INTS3: variants seen among roughly 807,000 people sequenced by gnomAD.
INTS3 encodes SOSS complex subunit A.
INTS3 carries 34 observed loss-of-function variants against 146.3 expected under a neutral mutation model. The observed-to-expected ratio is 0.23, with a 90% CI of 0.18 to 0.31. The LOEUF (loss-of-function observed/expected upper bound fraction) is 0.31. INTS3 is among the 10% of genes least tolerant of loss of function. The probability of loss-of-function intolerance (pLI) is 1.00; values close to 1 mark genes in which losing one functional copy is unlikely to be tolerated. For synonymous variants in INTS3, 475 were observed against 494.9 expected (o/e 0.96, Z 0.53); for missense variants, 757 against 1,304.2 (o/e 0.58, Z 6.46).
intron 20 of INTS3, chr1:153,766,925 G>T (rs1672612023): frequency 1.3e-5 from 2 of 152,062 alleles, no homozygotes; most frequent in African/African-American, 4.8e-5. Context: ...GGCCAGGCTG[G>T]TCTTGAACTT....
At position 153,733,375 on chromosome 1, in the gene INTS3, GC is replaced by G. The variant is rs1671162002; in HGVS notation, c.150+4592del. 2.0e-5 allele frequency among the ~76,000 whole-genome samples: 3 copies of G among 151,176 alleles called. No homozygotes were observed. In the South Asian group the frequency reaches 6.3e-4, roughly 32 times the overall value. On this transcript the variant is annotated intron_variant, in intron 1 of 29. Coordinates refer to ENST00000318967, the MANE Select transcript of INTS3 (RefSeq NM_023015.5). The stretch of plus-strand genomic sequence containing the variant: ...CTGCAGGTGTGCACCACCACGCCCA[GC>G]TAATTTTTGTATTTTTAGTAGAGAT...
intron 1 of INTS3, among the ~76,000 whole-genome samples, chr1:153,730,907 G>T (rs954727593): frequency 4.6e-5 from 7 of 152,150 alleles, no homozygotes; most frequent in African/African-American, 1.7e-4. Context: ...CTAAGGGCAA[G>T]ACTTACTGGC....
intron 10 of INTS3, among the ~76,000 whole-genome samples, chr1:153,758,615 C>G (rs1314739055): frequency 6.6e-6 from 1 of 151,972 alleles, no homozygotes; most frequent in Non-Finnish European, 1.5e-5. Context: ...TGAGACCAGC[C>G]TGGGCAACAT....
rs1672994679 is a variant in INTS3 at position 153,773,500 on chromosome 1, T to A, written c.*230T>A. On this transcript the variant is annotated 3_prime_UTR_variant, in exon 30 of 30. Coordinates refer to ENST00000318967, the MANE Select transcript of INTS3 (RefSeq NM_023015.5). Reference sequence around the variant, plus strand: ...CAGCCCCTCACACTGCTGTTCCCAGTGATATTTGGGATCTGACTGAAGCCA... The same window carrying A: ...CAGCCCCTCACACTGCTGTTCCCAGAGATATTTGGGATCTGACTGAAGCCA... 1 of 597,704 alleles carries A rather than the reference T, an allele frequency of 1.7e-6. No individual in the cohort carries two copies. The highest frequency in any genetic ancestry group is 1.9e-5 in the African/African-American group (1 of 53,604). The allele number at this position is 597,704 out of a possible 1,614,324, so 37.0% of individuals were successfully genotyped here.
At chr1:153,736,229 G>A (rs1262767542) in intron 1 of INTS3, among the ~76,000 whole-genome samples, 1 of 152,166 alleles carries the variant, frequency 6.6e-6, no homozygotes, top group Non-Finnish European at 1.5e-5. Flanking sequence ...TTCAGGCTGA[G>A]CTGCCAATCT....
rs58166068 is a variant in INTS3 at position 153,772,020 on chromosome 1, CGGT to C, written c.2720+86_2720+88del. On this transcript the variant is annotated intron_variant, in intron 26 of 29. Coordinates refer to ENST00000318967, the MANE Select transcript of INTS3 (RefSeq NM_023015.5). The surrounding 1 kb of genome is among the most constrained non-coding windows in gnomAD (Gnocchi z 4.6). ...CATGGCGGTCTGCAGTGATTGCTGTCGGTGGTGGTGGTGGTGGTGGTGGTGGTG... is the reference window on the plus strand; with the variant it reads ...CATGGCGGTCTGCAGTGATTGCTGTCGGTGGTGGTGGTGGTGGTGGTGGTG... The C allele has an allele frequency of 0.072, 82,897 of 1,158,326 alleles. 5,722 individuals are homozygous for C. Among genetic ancestry groups the C allele is most frequent in the African/African-American group, 0.34 (21,815 of 64,952 alleles). The allele number at this position is 1,158,326 out of a possible 1,614,324, so 71.8% of individuals were successfully genotyped here. A position where few individuals can be genotyped will look rare whatever the true frequency, so the allele number is the denominator to read the frequency against.
rs57778477 is a variant in INTS3 at position 153,753,042 on chromosome 1, TAC to T, written c.859+661_859+662del. Among the ~76,000 whole-genome samples, 237 of 144,686 alleles carry T rather than the reference TAC, an allele frequency of 1.6e-3. 1 individual carries two copies. Among genetic ancestry groups the T allele is most frequent in the South Asian group, 4.6e-3 (21 of 4,532 alleles). 94.9% of individuals were successfully genotyped at this position (144,686 alleles called of 152,430 possible). A position where few individuals can be genotyped will look rare whatever the true frequency, so the allele number is the denominator to read the frequency against. ...ATCGTGCATGCACCCGCTCCCCTCC[TAC>T]ACACACACACACACACACACACACA... On this transcript the variant is annotated intron_variant, in intron 8 of 29. Transcript: ENST00000318967.
chr1:153,768,763 G>C (rs1430959846), intron 21 of INTS3, 130 bp from the exon 22 acceptor site: 8 of 690,982 alleles, frequency 1.2e-5, no homozygotes, highest in South Asian at 6.7e-5. Flanking sequence ...TCTCTGTTTA[G>C]GGGTTTATTT....
At chr1:153,737,745 C>T (rs997804235) in intron 1 of INTS3, among the ~76,000 whole-genome samples, 8 of 152,062 alleles carry the variant, frequency 5.3e-5, no homozygotes, top group African/African-American at 1.4e-4. Context: ...GTGATCCTCC[C>T]GCCTCAGCCT....
At position 153,760,911 on chromosome 1, in the gene INTS3, G is replaced by A; in HGVS notation, c.1402G>A (p.Val468Ile). The A allele has an allele frequency of 6.2e-7, 1 of 1,613,844 alleles. No individual in the cohort carries two copies. Among genetic ancestry groups the A allele is most frequent in the East Asian group, 2.2e-5 (1 of 44,878 alleles). The part of the protein sequence containing the change: ...SSLNHIVEKR[V>I]LAHLAPLFDN... ...CCTCAACCACATTGTGGAGAAACGG[G>A]TCTTGGCGTAAGGAATTTGGTGGGG... is the stretch of plus-strand genomic sequence containing the variant. Residue 468 changes from valine to isoleucine, a missense_variant, in exon 13 of 30, where the codon GTC (valine) becomes ATC (isoleucine). Physicochemically the swap from Val to Ile is conservative, Grantham distance 29. Around this residue, in one of 8 missense-constraint regions of INTS3, gnomAD observed 97 missense variants for 113.6 expected, o/e 0.85. Transcript: ENST00000318967.
At position 153,728,395 on chromosome 1, in the gene INTS3, G is replaced by T; in HGVS notation, c.-240G>T. The T allele has an allele frequency of 2.0e-6, 1 of 496,984 alleles. No individual in the cohort carries two copies. Among genetic ancestry groups the T allele is most frequent in the South Asian group, 3.4e-5 (1 of 29,206 alleles). The allele number at this position is 496,984 out of a possible 1,614,324, so 30.8% of individuals were successfully genotyped here. A position where few individuals can be genotyped will look rare whatever the true frequency, so the allele number is the denominator to read the frequency against. On this transcript the variant is annotated 5_prime_UTR_variant, in exon 1 of 30. Coordinates refer to ENST00000318967, the MANE Select transcript of INTS3 (RefSeq NM_023015.5). ...GGCCTTTACCCCACTGTACTTCGGAGCCAACGCCTTTCCCTCAGCACTGCC... is the reference window on the plus strand; with the variant it reads ...GGCCTTTACCCCACTGTACTTCGGATCCAACGCCTTTCCCTCAGCACTGCC...
chr1:153,765,237 C>T (rs2101822879), intron 20 of INTS3, among the ~76,000 whole-genome samples, 174 bp downstream of exon 20: 1 of 152,292 alleles, frequency 6.6e-6, no homozygotes, highest in East Asian at 1.9e-4. Context: ...CCTGATGACA[C>T]TGCGGCTCAG....
Position 153,733,411 on chromosome 1 carries a change from C to T in INTS3, c.150+4627C>T, listed in dbSNP as rs1671163130. On this transcript the variant is annotated intron_variant, in intron 1 of 29. Coordinates refer to ENST00000318967, the MANE Select transcript of INTS3 (RefSeq NM_023015.5). ...TATTTTTAGTAGAGATGGGGTTTCACCATGTTGTCCAGGCTGCTCTCGAAG... is the reference window on the plus strand; with the variant it reads ...TATTTTTAGTAGAGATGGGGTTTCATCATGTTGTCCAGGCTGCTCTCGAAG... Among the ~76,000 whole-genome samples, 2 of 151,082 alleles carry T rather than the reference C, an allele frequency of 1.3e-5. 1 individual carries two copies. Among genetic ancestry groups the T allele is most frequent in the South Asian group, 4.2e-4 (2 of 4,774 alleles).
At chr1:153,742,406 A>T (rs1184176889) in intron 3 of INTS3, among the ~76,000 whole-genome samples, 1 of 152,058 alleles carries the variant, frequency 6.6e-6, no homozygotes, top group Non-Finnish European at 1.5e-5. Flanking sequence ...TTTTAAAGAA[A>T]TTGTTGGCAA....
intron 3 of INTS3, among the ~76,000 whole-genome samples, chr1:153,742,866 C>T (rs965437881): frequency 1.3e-5 from 2 of 152,192 alleles, no homozygotes; most frequent in Non-Finnish European, 2.9e-5. Context: ...GCATTTGCCT[C>T]GGGTCTCATA....
chr1:153,764,269 C>G, intron 18 of INTS3, 48 bp downstream of exon 18: 1 of 1,298,578 alleles, frequency 7.7e-7, no homozygotes, highest in Non-Finnish European at 1.1e-6. Flanking sequence ...CCAGAGGGTG[C>G]TCTTACAGCC....
chr1:153,748,050 GTGACTT>G (rs1671816291), intron 5 of INTS3: 2 of 156,374 alleles, frequency 1.3e-5, no homozygotes, highest in African/African-American at 4.8e-5. Flanking sequence ...TATGTGATAT[GTGACTT>G]TGTGAACATT....
At chr1:153,739,536 G>T (rs1671437784) in intron 1 of INTS3, among the ~76,000 whole-genome samples, 1 of 150,734 alleles carries the variant, frequency 6.6e-6, no homozygotes, top group South Asian at 2.1e-4. Context: ...GTTTCTCCAT[G>T]TTCGTCAGGC....
rs1402954657 is a variant in INTS3, at chr1:153,772,734, C to A, written c.2894+23C>A. ...GAAGTGAGGCTCCTGCCACTTTGGG[C>A]CTTGGAAAGTAGTAGGGGAAAAGCC... is the stretch of plus-strand genomic sequence containing the variant. On this transcript the variant is annotated intron_variant, in intron 28 of 29. Coordinates refer to ENST00000318967, the MANE Select transcript of INTS3 (RefSeq NM_023015.5). The surrounding 1 kb of genome is among the most constrained non-coding windows in gnomAD (Gnocchi z 4.6). 1.2e-6 allele frequency: 2 copies of A among 1,610,730 alleles called. No individual in the cohort carries two copies. Among genetic ancestry groups the A allele is most frequent in the African/African-American group, 2.7e-5 (2 of 74,838 alleles).
Sources: allele counts gnomAD v4.1 joint callset (sites outside exome capture counted in the v4.1 genomes callset), GRCh38; gene constraint gnomAD v4.1.1; regional missense constraint gnomAD v4.1.1; non-coding constraint Gnocchi (gnomAD v3.1); transcripts MANE v1.5; gene names NCBI Gene and HGNC (gene_info 2026-07-23, HGNC 2026-07-21).